PPME1: variants seen among roughly 807,000 people sequenced by gnomAD.
The protein encoded by PPME1 is testicular secretory protein Li 39.
A neutral mutation model predicts 56.9 loss-of-function variants in PPME1; 17 were observed. The observed-to-expected ratio is 0.30, with a 90% CI of 0.20 to 0.45. The LOEUF (loss-of-function observed/expected upper bound fraction) is 0.45, where lower values mean the gene tolerates loss of function less well. PPME1 is among the 20% of genes least tolerant of loss of function. The pLI is 1.00. For synonymous variants in PPME1, 122 were observed against 156.2 expected (o/e 0.78, Z 1.63); for missense variants, 357 against 483.2 (o/e 0.74, Z 2.45).
At chr11:74,184,650 A>G (rs1857625469) in intron 1 of PPME1, among the ~76,000 whole-genome samples, 1 of 152,130 alleles carries the variant, frequency 6.6e-6, no homozygotes, top group Non-Finnish European at 1.5e-5. Flanking sequence ...TTTCCCATCT[A>G]ATTATATTAA....
intron 1 of PPME1, among the ~76,000 whole-genome samples, chr11:74,176,513 T>G (rs1013734742): frequency 6.6e-6 from 1 of 152,102 alleles, no homozygotes; most frequent in African/African-American, 2.4e-5. Flanking sequence ...AATGTACAAT[T>G]CAGTGATTTT....
chr11:74,230,534 A>G lies in PPME1; in HGVS notation c.553+135A>G. The G allele has an allele frequency of 3.7e-6, 4 of 1,078,640 alleles. No homozygotes were observed. The highest frequency in any genetic ancestry group is 2.5e-5 in the East Asian group (1 of 39,912). 66.8% of individuals were successfully genotyped at this position (1,078,640 alleles called of 1,614,324 possible). On this transcript the variant is annotated intron_variant, in intron 6 of 13. Transcript: ENST00000328257. The surrounding 1 kb of genome is among the most constrained non-coding windows in gnomAD (Gnocchi z 4.9). ...TCCCTCTGTCTTTATATCTTTTTTAAGTTTATACAAGATAACCATTTTTCC... is the reference window on the plus strand; with the variant it reads ...TCCCTCTGTCTTTATATCTTTTTTAGGTTTATACAAGATAACCATTTTTCC...
intron 1 of PPME1, among the ~76,000 whole-genome samples, chr11:74,178,001 A>G (rs1218211414): frequency 6.6e-6 from 1 of 152,214 alleles, no homozygotes; most frequent in African/African-American, 2.4e-5. Flanking sequence ...TTGATGTGAA[A>G]CAATCTAATT....
intron 11 of PPME1, chr11:74,249,785 G>T (rs1859606870): frequency 6.6e-6 from 1 of 152,204 alleles, no homozygotes; most frequent in South Asian, 2.1e-4. Flanking sequence ...TTACAAGAGG[G>T]CCATGTGCTG....
intron 1 of PPME1, among the ~76,000 whole-genome samples, chr11:74,196,895 G>C (rs1857996358): frequency 6.6e-6 from 1 of 152,154 alleles, no homozygotes; most frequent in South Asian, 2.1e-4. Flanking sequence ...TCCCAAGTGT[G>C]GGTCTGTTTA....
intron 9 of PPME1, among the ~76,000 whole-genome samples, chr11:74,241,414 C>T (rs190142037): frequency 5.6e-4 from 86 of 152,250 alleles, no homozygotes; most frequent in Middle Eastern, 3.4e-3. Flanking sequence ...GTTGTTTCCA[C>T]TTTTTGTCTA....
intron 1 of PPME1, among the ~76,000 whole-genome samples, chr11:74,184,239 A>G (rs1591017191): frequency 6.6e-6 from 1 of 152,188 alleles, no homozygotes; most frequent in Admixed American, 6.5e-5. Flanking sequence ...CATAAGAACC[A>G]TTGTTCATTA....
intron 1 of PPME1, among the ~76,000 whole-genome samples, chr11:74,179,743 A>G (rs1388315088): frequency 6.6e-6 from 1 of 152,218 alleles, no homozygotes; most frequent in Non-Finnish European, 1.5e-5. Flanking sequence ...CTGCTGCTTA[A>G]TGGCATGCCT....
At chr11:74,176,130 C>T (rs563626173) in intron 1 of PPME1, among the ~76,000 whole-genome samples, 10 of 152,306 alleles carry the variant, frequency 6.6e-5, no homozygotes, top group Admixed American at 4.6e-4. Flanking sequence ...CACATAAGCT[C>T]TTAAAGAATG....
intron 4 of PPME1, among the ~76,000 whole-genome samples, chr11:74,223,315 G>A (rs1411480601): frequency 6.6e-6 from 1 of 151,198 alleles, no homozygotes; most frequent in Non-Finnish European, 1.5e-5. Flanking sequence ...GTGTATATGT[G>A]CCACATTTTC....
chr11:74,227,473 G>GT (rs1307777625), intron 5 of PPME1, among the ~76,000 whole-genome samples: 6 of 140,574 alleles, frequency 4.3e-5, no homozygotes, highest in Non-Finnish European at 8.9e-5. Flanking sequence ...CAGTTACTGT[G>GT]GAAAAAAAAA....
At chr11:74,204,255 C>A in intron 2 of PPME1, 98 bp from the exon 3 acceptor site, 1 of 879,584 alleles carries the variant, frequency 1.1e-6, no homozygotes, top group Non-Finnish European at 1.8e-6. Flanking sequence ...TGGCAGTCTG[C>A]AGTTTTGCAT....
intron 3 of PPME1, among the ~76,000 whole-genome samples, chr11:74,216,955 G>C (rs1181674603): frequency 6.6e-6 from 1 of 152,128 alleles, no homozygotes; most frequent in African/African-American, 2.4e-5. Context: ...CCAATAACAA[G>C]TAATGAAATC....
chr11:74,225,389 C>G, intron 5 of PPME1, 133 bp downstream of exon 5: 1 of 605,734 alleles, frequency 1.7e-6, no homozygotes, highest in Non-Finnish European at 2.7e-6. Flanking sequence ...TCTGTTCTCT[C>G]TCCTCTACTT....
intron 9 of PPME1, among the ~76,000 whole-genome samples, chr11:74,240,705 T>G (rs1859334381): frequency 6.6e-6 from 1 of 152,250 alleles, no homozygotes; most frequent in South Asian, 2.1e-4. Context: ...TGTTTGGTCC[T>G]CTGAACACCT....
chr11:74,223,436 A>G (rs906256025), intron 4 of PPME1, among the ~76,000 whole-genome samples: 14 of 144,308 alleles, frequency 9.7e-5, no homozygotes, highest in Non-Finnish European at 1.8e-4. Flanking sequence ...AGCAAGATTT[A>G]TAGTCCTTTG....
rs1859028959 is a variant in PPME1 at position 74,230,115 on chromosome 11, G to A, written c.399-130G>A. ...TTAGAAGGTTTACATAGGTATGTTT[G>A]TAAGATGGCCCAATAGACTTTTACA... On this transcript the variant is annotated intron_variant, in intron 5 of 13. Transcript: ENST00000328257. The surrounding 1 kb of genome is among the most constrained non-coding windows in gnomAD (Gnocchi z 4.9). 1.0e-6 allele frequency: 1 copy of A among 980,068 alleles called. No homozygotes were observed. Among genetic ancestry groups the A allele is most frequent in the Non-Finnish European group, 1.5e-6 (1 of 667,736 alleles). 60.7% of individuals were successfully genotyped at this position (980,068 alleles called of 1,614,324 possible). A position where few individuals can be genotyped will look rare whatever the true frequency, so the allele number is the denominator to read the frequency against.
intron 1 of PPME1, among the ~76,000 whole-genome samples, chr11:74,201,516 G>A (rs1858166413): frequency 6.6e-6 from 1 of 152,208 alleles, no homozygotes; most frequent in Non-Finnish European, 1.5e-5. Flanking sequence ...AAGATAAAAG[G>A]ATGAAAGGAG....
chr11:74,219,903 G>GTATA (rs1440410982), intron 3 of PPME1, among the ~76,000 whole-genome samples: 9 of 152,050 alleles, frequency 5.9e-5, no homozygotes, highest in African/African-American at 1.9e-4. Context: ...AGCTAAAAGG[G>GTATA]TATAGTTAGA....
Sources: gnomAD v4.1 joint callset for allele counts (sites outside exome capture counted in the v4.1 genomes callset) on GRCh38, gnomAD v4.1.1 for gene constraint, Gnocchi (gnomAD v3.1) non-coding constraint, MANE v1.5 for transcripts, NCBI Gene and HGNC (gene_info 2026-07-23, HGNC 2026-07-21) for gene names.